Variants in NCMAP observed in about 807,000 individuals in gnomAD.
The protein encoded by NCMAP is non-compact myelin associated protein.
A neutral mutation model predicts 7.8 loss-of-function variants in NCMAP; 8 were observed. The ratio of observed to expected loss-of-function variants is 1.02; its 90% CI spans 0.60 to 1.84. NCMAP has a LOEUF of 1.84. NCMAP is among the 40% of genes most tolerant of loss of function. The pLI, the probability that NCMAP is intolerant of heterozygous loss-of-function variation, is 0.00. For synonymous variants in NCMAP, 41 were observed against 52.9 expected (o/e 0.78, Z 0.98); for missense variants, 112 against 131.4 (o/e 0.85, Z 0.72).
chr1:24,566,514 A>G (rs992173840), intron 1 of NCMAP, among the ~76,000 whole-genome samples: 6 of 152,196 alleles, frequency 3.9e-5, no homozygotes, highest in African/African-American at 1.4e-4. Context: ...GGGGAAGGGA[A>G]GAGGAGACAG....
intron 1 of NCMAP, among the ~76,000 whole-genome samples, chr1:24,578,560 C>CT (rs555342098): frequency 2.4e-3 from 260 of 107,368 alleles, no homozygotes; most frequent in East Asian, 6.1e-3. Flanking sequence ...TTCTTTCTTT[C>CT]TTTTTTTTTT....
chr1:24,596,787 C>T (rs974023073), intron 2 of NCMAP, among the ~76,000 whole-genome samples: 2 of 152,126 alleles, frequency 1.3e-5, no homozygotes, highest in African/African-American at 2.4e-5. Context: ...TGAATGTAGG[C>T]GGGAAGAGTG....
intron 3 of NCMAP, among the ~76,000 whole-genome samples, chr1:24,602,254 G>C (rs1652525299): frequency 6.6e-6 from 1 of 152,142 alleles, no homozygotes; most frequent in African/African-American, 2.4e-5. Flanking sequence ...TTTTTGCTGG[G>C]AGGGGGATGT....
chr1:24,579,758 C>T (rs780914094), intron 1 of NCMAP, among the ~76,000 whole-genome samples: 7 of 152,240 alleles, frequency 4.6e-5, no homozygotes, highest in South Asian at 4.1e-4. Flanking sequence ...AACAAAAATC[C>T]GTTCAAAACT....
At chr1:24,580,621 T>C (rs1651716602) in intron 1 of NCMAP, among the ~76,000 whole-genome samples, 1 of 152,140 alleles carries the variant, frequency 6.6e-6, no homozygotes, top group South Asian at 2.1e-4. Flanking sequence ...TGGCTAATTT[T>C]TGTATTTTTA....
At chr1:24,589,127 T>A (rs1651970984) in intron 1 of NCMAP, among the ~76,000 whole-genome samples, 1 of 152,182 alleles carries the variant, frequency 6.6e-6, no homozygotes, top group African/African-American at 2.4e-5. Flanking sequence ...CTTACAGGAC[T>A]GGTATGAAGA....
intron 1 of NCMAP, among the ~76,000 whole-genome samples, chr1:24,572,768 C>T (rs1029570079): frequency 2.7e-5 from 4 of 150,826 alleles, no homozygotes; most frequent in East Asian, 1.9e-4. Flanking sequence ...TCGCACGTTC[C>T]GCACGTCCTA....
In NCMAP at chr1:24,582,757, G is replaced by T. The variant is rs569442611; in HGVS notation, c.-7-12667G>T. On this transcript the variant is annotated intron_variant, in intron 1 of 3. Transcript: ENST00000374392. Reference sequence around the variant, plus strand: ...TTAAACTGAAAGAAGATTAATGTGTGTTGTTTTAAGCCACTAAATTTGCAA... The same window carrying T: ...TTAAACTGAAAGAAGATTAATGTGTTTTGTTTTAAGCCACTAAATTTGCAA... Among the ~76,000 whole-genome samples, 4 of 152,334 alleles carry T rather than the reference G, an allele frequency of 2.6e-5. No homozygotes were observed. In the South Asian group the frequency reaches 8.3e-4, roughly 32 times the overall value.
At chr1:24,587,792 C>G (rs747947168) in intron 1 of NCMAP, among the ~76,000 whole-genome samples, 3 of 151,856 alleles carry the variant, frequency 2.0e-5, no homozygotes, top group Non-Finnish European at 4.4e-5. Flanking sequence ...GGATTATAGG[C>G]ATAAGCCACC....
At chr1:24,602,403 T>C (rs1266105309) in intron 3 of NCMAP, among the ~76,000 whole-genome samples, 2 of 137,324 alleles carry the variant, frequency 1.5e-5, no homozygotes, top group Non-Finnish European at 3.0e-5. Flanking sequence ...ACCCCGTCTC[T>C]ACTAAAAATA....
In NCMAP at chr1:24,592,843, C is replaced by A. The variant is rs542919335; in HGVS notation, c.-7-2581C>A. On this transcript the variant is annotated intron_variant, in intron 1 of 3. Coordinates refer to ENST00000374392, the MANE Select transcript of NCMAP (RefSeq NM_001010980.5). The stretch of plus-strand genomic sequence containing the variant: ...CTGAGGCAGGAGAATGGCGTGAACC[C>A]GGGAGGCGGAGCTTGCAGTGAGCCG... 1.1e-4 allele frequency among the ~76,000 whole-genome samples: 16 copies of A among 152,042 alleles called. No individual in the cohort carries two copies. The South Asian group carries it at 3.3e-3, about 32-fold the overall frequency.
chr1:24,568,846 C>G (rs1236044117), intron 1 of NCMAP, among the ~76,000 whole-genome samples: 2 of 152,146 alleles, frequency 1.3e-5, no homozygotes, highest in Non-Finnish European at 2.9e-5. Flanking sequence ...TGGACTCAAA[C>G]TCCTGGGCTC....
At position 24,605,658 on chromosome 1, in the gene NCMAP, C is replaced by T. The variant is rs1171294751; in HGVS notation, c.220C>T (p.Pro74Ser). 6.2e-7 allele frequency: 1 copy of T among 1,614,074 alleles called. No individual in the cohort carries two copies. The highest frequency in any genetic ancestry group is 8.5e-7 in the Non-Finnish European group (1 of 1,180,040). The change falls in exon 4 of 4, where the codon CCT (proline) becomes TCT (serine). Residue 74 changes from proline to serine, a missense_variant. Pro to Ser is a moderately conservative substitution (Grantham distance 74). Transcript: ENST00000374392. ...GCCCAAGGGCCCCAAGCCAACCGCC[C>T]CTTCTGCCGTGGGCCCAAACAGCAA... ...LEPKGPKPTA[P>S]SAVGPNSNGS...
chr1:24,575,900 G>T (rs1457374828), intron 1 of NCMAP, among the ~76,000 whole-genome samples: 4 of 121,964 alleles, frequency 3.3e-5, no homozygotes, highest in Non-Finnish European at 6.4e-5. Context: ...AGCCGAGATC[G>T]CACCATTGCA....
intron 1 of NCMAP, among the ~76,000 whole-genome samples, chr1:24,572,148 G>T (rs769906907): frequency 4.1e-5 from 6 of 147,438 alleles, no homozygotes; most frequent in Non-Finnish European, 5.9e-5. Flanking sequence ...CGGCGAGCAT[G>T]CTCAGATGTA....
Position 24,605,686 on chromosome 1 carries a change from G to A in NCMAP, c.248G>A (p.Gly83Asp). ...APSAVGPNSN[G>D]SQHPATVTFS... ...TCTGCCGTGGGCCCAAACAGCAACG[G>A]CAGCCAACACCCAGCAACTGTGACC... The change falls in exon 4 of 4, where the codon GGC (glycine) becomes GAC (aspartate). Residue 83 changes from glycine to aspartate, a missense_variant. Transcript: ENST00000374392. The A allele has an allele frequency of 6.2e-7, 1 of 1,614,158 alleles. No individual in the cohort carries two copies. The highest frequency in any genetic ancestry group is 8.5e-7 in the Non-Finnish European group (1 of 1,180,020).
chr1:24,598,609 CTATTT>C (rs1391171080), intron 2 of NCMAP, among the ~76,000 whole-genome samples: 1 of 151,686 alleles, frequency 6.6e-6, no homozygotes, highest in African/African-American at 2.4e-5. Flanking sequence ...GTAATCTCTT[CTATTT>C]TCTTTTCTTT....
intron 1 of NCMAP, among the ~76,000 whole-genome samples, chr1:24,559,807 C>T (rs958357954): frequency 1.3e-5 from 2 of 152,356 alleles, no homozygotes; most frequent in South Asian, 4.1e-4. Context: ...AGCCACATCA[C>T]CTCTCTGAGC....
At chr1:24,591,036 GAGAGAA>G (rs1652031908) in intron 1 of NCMAP, among the ~76,000 whole-genome samples, 1 of 151,832 alleles carries the variant, frequency 6.6e-6, no homozygotes, top group African/African-American at 2.4e-5. Flanking sequence ...CACGGCGAAG[GAGAGAA>G]GACCCAGACA....
Sources: allele counts gnomAD v4.1 joint callset (sites outside exome capture counted in the v4.1 genomes callset), GRCh38; gene constraint gnomAD v4.1.1; transcripts MANE v1.5; gene names NCBI Gene and HGNC (gene_info 2026-07-23, HGNC 2026-07-21).